The following CPS1 variants were observed in gnomAD, a reference collection of about 807,000 sequenced individuals.
The protein encoded by CPS1 is carbamoyl-phosphate synthase 1.
Under a neutral mutation model 174.6 loss-of-function variants are expected in CPS1, and 109 were observed. The ratio of observed to expected loss-of-function variants is 0.62; its 90% CI spans 0.53 to 0.73. The LOEUF is 0.73. Ranked by LOEUF, CPS1 falls within the 30% of genes least tolerant of loss-of-function variation. The probability of loss-of-function intolerance (pLI) is 0.00; values close to 1 mark genes in which losing one functional copy is unlikely to be tolerated. For synonymous variants in CPS1, 637 were observed against 632.0 expected (o/e 1.01, Z -0.12); for missense variants, 1,689 against 1,821.9 (o/e 0.93, Z 1.33).
chr2:210,547,529 G>T (rs1335476667), intron 1 of CPS1, among the ~76,000 whole-genome samples: 1 of 151,892 alleles, frequency 6.6e-6, no homozygotes, highest in African/African-American at 2.4e-5. Context: ...AAAAATGAAA[G>T]AATTATATAG....
intron 1 of CPS1, among the ~76,000 whole-genome samples, chr2:210,558,323 G>A (rs1041625198): frequency 1.3e-5 from 2 of 151,976 alleles, no homozygotes; most frequent in Non-Finnish European, 2.9e-5. Flanking sequence ...AGGGCACTGG[G>A]AGCAGTCACT....
At chr2:210,537,969 C>A (rs886667592) in intron 1 of CPS1, among the ~76,000 whole-genome samples, 1 of 152,130 alleles carries the variant, frequency 6.6e-6, no homozygotes. Flanking sequence ...AGGTATCATG[C>A]TAAAACCATA....
chr2:210,549,341 G>T (rs1696656829), intron 1 of CPS1, among the ~76,000 whole-genome samples: 1 of 152,028 alleles, frequency 6.6e-6, no homozygotes, highest in African/African-American at 2.4e-5. Flanking sequence ...GTGCAAAGAA[G>T]ACTGATGATG....
At chr2:210,538,625 G>A (rs1696321128) in intron 1 of CPS1, among the ~76,000 whole-genome samples, 1 of 152,026 alleles carries the variant, frequency 6.6e-6, no homozygotes, top group Non-Finnish European at 1.5e-5. Context: ...TTTGACATCA[G>A]TGGGGATGGT....
chr2:210,606,313 G>T lies in CPS1; in HGVS notation c.1982-418G>T, dbSNP rs79860973. On this transcript the variant is annotated intron_variant, in intron 17 of 37. Coordinates refer to ENST00000233072, the MANE Select transcript of CPS1 (RefSeq NM_001875.5). ...CGTGTTTGAAGGCAGAAGGGATGGA[G>T]ACTAAGATTGCAGATATAAGGGGCT... Among the ~76,000 whole-genome samples, 1,758 of 151,954 alleles carry T rather than the reference G, an allele frequency of 0.012. 85 individuals are homozygous for T. The East Asian group carries it at 0.13, about 11-fold the overall frequency.
chr2:210,581,302 G>A (rs1410141115), intron 5 of CPS1, among the ~76,000 whole-genome samples: 1 of 152,144 alleles, frequency 6.6e-6, no homozygotes, highest in African/African-American at 2.4e-5. Context: ...GACCGCACTT[G>A]TCTTTCATGT....
chr2:210,520,469 C>G (rs980823720), intron 1 of CPS1, among the ~76,000 whole-genome samples: 1 of 151,998 alleles, frequency 6.6e-6, no homozygotes, highest in African/African-American at 2.4e-5. Flanking sequence ...CCCTTGTCCT[C>G]CACCTCACGA....
chr2:210,634,360 G>A (rs1699967019), intron 21 of CPS1, among the ~76,000 whole-genome samples: 1 of 152,188 alleles, frequency 6.6e-6, no homozygotes, highest in South Asian at 2.1e-4. Flanking sequence ...AGCCCGGGAG[G>A]CGGAGCTTGC....
chr2:210,664,124 T>G (rs1701012488), intron 33 of CPS1, among the ~76,000 whole-genome samples: 1 of 152,166 alleles, frequency 6.6e-6, no homozygotes, highest in South Asian at 2.1e-4. Flanking sequence ...GGGGACTCTT[T>G]GCCTCTTTGT....
intron 36 of CPS1, among the ~76,000 whole-genome samples, chr2:210,676,638 G>A (rs955544250): frequency 6.6e-6 from 1 of 152,212 alleles, no homozygotes; most frequent in Non-Finnish European, 1.5e-5. Flanking sequence ...GCACTACTAA[G>A]GAGGCAATAG....
At chr2:210,545,100 C>T (rs963583143) in intron 1 of CPS1, among the ~76,000 whole-genome samples, 15 of 151,984 alleles carry the variant, frequency 9.9e-5, no homozygotes, top group Non-Finnish European at 1.3e-4. Context: ...TTTTCCCAGA[C>T]GTAGCACAGG....
At chr2:210,525,391 C>T (rs577198210) in intron 1 of CPS1, among the ~76,000 whole-genome samples, 1 of 152,028 alleles carries the variant, frequency 6.6e-6, no homozygotes, top group East Asian at 1.9e-4. Flanking sequence ...ACTCACCTGT[C>T]CTCTGTAAAT....
chr2:210,575,435 G>A (rs970387371), intron 2 of CPS1, among the ~76,000 whole-genome samples: 31 of 151,286 alleles, frequency 2.0e-4, no homozygotes, highest in African/African-American at 7.5e-4. Context: ...GATAGCTCCT[G>A]GTATTCATGG....
intron 21 of CPS1, among the ~76,000 whole-genome samples, chr2:210,635,152 C>A (rs1234865799): frequency 6.6e-6 from 1 of 152,062 alleles, no homozygotes; most frequent in African/African-American, 2.4e-5. Flanking sequence ...ACCATGTTGG[C>A]CAGGCTGGTC....
At chr2:210,628,029 G>C (rs1699746057) in intron 21 of CPS1, among the ~76,000 whole-genome samples, 2 of 152,036 alleles carry the variant, frequency 1.3e-5, no homozygotes, top group African/African-American at 4.8e-5. Context: ...TACAGGTTTT[G>C]GGCAAAGGTA....
intron 21 of CPS1, among the ~76,000 whole-genome samples, chr2:210,635,640 A>G (rs576066632): frequency 2.2e-4 from 34 of 152,344 alleles, no homozygotes; most frequent in African/African-American, 8.2e-4. Flanking sequence ...GCACAGTTCT[A>G]AAGCACAGGG....
chr2:210,615,578 C>T (rs979852347), intron 20 of CPS1, among the ~76,000 whole-genome samples: 3 of 151,952 alleles, frequency 2.0e-5, no homozygotes, highest in Non-Finnish European at 4.4e-5. Flanking sequence ...AGATTTTTCA[C>T]AGGGTATATA....
intron 1 of CPS1, among the ~76,000 whole-genome samples, chr2:210,564,468 G>C (rs919904569): frequency 7.9e-5 from 12 of 151,676 alleles, no homozygotes; most frequent in Non-Finnish European, 1.0e-4. Flanking sequence ...GTCCGCCTCC[G>C]GGGTTCACGC....
intron 21 of CPS1, among the ~76,000 whole-genome samples, chr2:210,627,688 A>G (rs1699736977): frequency 6.6e-6 from 1 of 152,178 alleles, no homozygotes; most frequent in Non-Finnish European, 1.5e-5. Context: ...TTTGACTTGC[A>G]GGGAGTCGTA....
Sources: gnomAD v4.1 joint callset for allele counts (sites outside exome capture counted in the v4.1 genomes callset) on GRCh38, gnomAD v4.1.1 for gene constraint, MANE v1.5 for transcripts, NCBI Gene and HGNC (gene_info 2026-07-23, HGNC 2026-07-21) for gene names.